LUZP2: variants seen among roughly 807,000 people sequenced by gnomAD.
LUZP2 encodes leucine zipper protein 2.
LUZP2 carries 52 observed loss-of-function variants against 51.6 expected under a neutral mutation model. The observed-to-expected ratio is 1.01, with a 90% CI of 0.81 to 1.27. LUZP2 has a LOEUF of 1.27. Among genes scored for constraint, LUZP2 ranks in the 50% most tolerant of loss-of-function variants. LUZP2 has a pLI of 0.00. For synonymous variants in LUZP2, 154 were observed against 137.3 expected (o/e 1.12, Z -0.85); for missense variants, 436 against 395.4 (o/e 1.10, Z -0.87).
At chr11:24,854,076 C>A (rs1180992342) in intron 5 of LUZP2, among the ~76,000 whole-genome samples, 5 of 152,186 alleles carry the variant, frequency 3.3e-5, no homozygotes, top group Non-Finnish European at 7.3e-5. Flanking sequence ...GGAGATGTCT[C>A]CCACTCAGGA....
At chr11:24,868,230 C>CAG (rs61160345) in intron 5 of LUZP2, among the ~76,000 whole-genome samples, 148,222 of 152,118 alleles carry the variant, frequency 0.97, 72,250 homozygotes, top group Middle Eastern at 1. Context: ...TGTGTAAAGA[C>CAG]AGAGATAAAT....
intron 7 of LUZP2, among the ~76,000 whole-genome samples, chr11:24,925,493 C>A (rs1217518565): frequency 6.6e-6 from 1 of 152,134 alleles, no homozygotes; most frequent in East Asian, 1.9e-4. Flanking sequence ...ATCAACCCAA[C>A]TTTGTAGCCT....
chr11:24,936,225 C>G (rs969656424), intron 7 of LUZP2, among the ~76,000 whole-genome samples: 1 of 152,062 alleles, frequency 6.6e-6, no homozygotes, highest in Non-Finnish European at 1.5e-5. Context: ...GGCTGAACCC[C>G]TAAGTGGTAT....
chr11:24,700,355 C>T (rs192915157), intron 1 of LUZP2, among the ~76,000 whole-genome samples: 86 of 152,250 alleles, frequency 5.6e-4, no homozygotes, highest in Non-Finnish European at 8.5e-4. Context: ...TAAGCCACCA[C>T]GCCCGGCTTA....
At chr11:25,050,581 GGC>G (rs1858476566) in intron 10 of LUZP2, among the ~76,000 whole-genome samples, 1 of 152,102 alleles carries the variant, frequency 6.6e-6, no homozygotes, top group Non-Finnish European at 1.5e-5. Context: ...TGGGATTACA[GGC>G]ATGAGCCACT....
intron 1 of LUZP2, among the ~76,000 whole-genome samples, chr11:24,625,736 C>T (rs1590260046): frequency 6.6e-6 from 1 of 151,576 alleles, no homozygotes; most frequent in East Asian, 1.9e-4. Context: ...TTTCCAACTC[C>T]AGAAACCAGA....
chr11:25,043,092 A>G (rs943361556), intron 9 of LUZP2, among the ~76,000 whole-genome samples: 3 of 152,180 alleles, frequency 2.0e-5, no homozygotes, highest in Non-Finnish European at 4.4e-5. Flanking sequence ...GAGAGTCTTC[A>G]TAAGAAACTG....
chr11:24,681,538 G>A (rs778227796), intron 1 of LUZP2, among the ~76,000 whole-genome samples: 2 of 152,116 alleles, frequency 1.3e-5, no homozygotes, highest in East Asian at 1.9e-4. Flanking sequence ...GAACGAAATA[G>A]ATATTAGATT....
At chr11:24,875,837 A>G (rs28798242) in intron 5 of LUZP2, among the ~76,000 whole-genome samples, 1 of 152,016 alleles carries the variant, frequency 6.6e-6, no homozygotes. Flanking sequence ...TTTGATTTGC[A>G]TTTCTCTGAT....
At chr11:24,972,180 C>T (rs1367154182) in intron 7 of LUZP2, among the ~76,000 whole-genome samples, 1 of 112,834 alleles carries the variant, frequency 8.9e-6, no homozygotes, top group Non-Finnish European at 1.9e-5. Flanking sequence ...GCATGAATGA[C>T]AATAAAATTT....
intron 7 of LUZP2, among the ~76,000 whole-genome samples, chr11:24,966,117 A>G (rs1469096836): frequency 1.3e-5 from 2 of 151,772 alleles, no homozygotes; most frequent in African/African-American, 2.4e-5. Context: ...ACATATTCTC[A>G]TGAGCATTTT....
intron 5 of LUZP2, among the ~76,000 whole-genome samples, chr11:24,775,698 G>A (rs17307138): frequency 0.043 from 6,547 of 152,122 alleles, 209 homozygotes; most frequent in Middle Eastern, 0.092. Context: ...AATCTTAGAC[G>A]TGACTCAGTT....
At chr11:24,644,110 G>A (rs918921616) in intron 1 of LUZP2, among the ~76,000 whole-genome samples, 1 of 152,160 alleles carries the variant, frequency 6.6e-6, no homozygotes, top group Non-Finnish European at 1.5e-5. Context: ...GTATTAAGGA[G>A]ACTAATTTTT....
At chr11:24,834,508 G>C (rs1850799468) in intron 5 of LUZP2, among the ~76,000 whole-genome samples, 2 of 152,068 alleles carry the variant, frequency 1.3e-5, no homozygotes, top group South Asian at 4.1e-4. Context: ...TACACATTTG[G>C]GTTGGTTTGA....
chr11:24,720,357 G>T (rs1858217407), intron 1 of LUZP2, among the ~76,000 whole-genome samples: 1 of 152,132 alleles, frequency 6.6e-6, no homozygotes, highest in Non-Finnish European at 1.5e-5. Flanking sequence ...GAAAATAAAT[G>T]TAAAAATTAT....
At chr11:25,015,313 G>A (rs1198574333) in intron 9 of LUZP2, among the ~76,000 whole-genome samples, 1 of 152,096 alleles carries the variant, frequency 6.6e-6, no homozygotes, top group African/African-American at 2.4e-5. Flanking sequence ...TTCCCCTAAT[G>A]TTAACATCTT....
chr11:24,734,457 A>G (rs1858851215), intron 3 of LUZP2, among the ~76,000 whole-genome samples: 2 of 151,904 alleles, frequency 1.3e-5, no homozygotes, highest in African/African-American at 4.8e-5. Flanking sequence ...TGATAGAACA[A>G]GTCTTTCAAA....
intron 1 of LUZP2, among the ~76,000 whole-genome samples, chr11:24,711,450 A>AAAATAAATAAATAAAT (rs200424558): frequency 6.1e-4 from 88 of 143,118 alleles, no homozygotes; most frequent in African/African-American, 1.7e-3. Flanking sequence ...ACTCCATCTC[A>AAAATAAATAAATAAAT]AAATAAATAA....
At chr11:24,535,439 T>A (rs763074365) in intron 1 of LUZP2, among the ~76,000 whole-genome samples, 11 of 151,630 alleles carry the variant, frequency 7.3e-5, no homozygotes, top group Non-Finnish European at 1.5e-4. Flanking sequence ...CACTTCTTTA[T>A]CAACCAAGTT....
Sources: allele counts gnomAD v4.1 joint callset (sites outside exome capture counted in the v4.1 genomes callset), GRCh38; gene constraint gnomAD v4.1.1; transcripts MANE v1.5; gene names NCBI Gene and HGNC (gene_info 2026-07-23, HGNC 2026-07-21).